Variants in CSMD3 observed in about 807,000 individuals in gnomAD.
CSMD3 encodes CUB and Sushi multiple domains 3.
In CSMD3, 177 loss-of-function variants were observed where a neutral mutation model predicts 435.2. That is an observed-to-expected ratio of 0.41 (90% CI 0.36 to 0.46). CSMD3 has a LOEUF of 0.46. Ranked by LOEUF, CSMD3 falls within the 20% of genes least tolerant of loss-of-function variation. The pLI, the probability that CSMD3 is intolerant of heterozygous loss-of-function variation, is 0.34. For synonymous variants in CSMD3, 1,656 were observed against 1,520.5 expected (o/e 1.09, Z -2.07); for missense variants, 4,265 against 4,504.6 (o/e 0.95, Z 1.52).
intron 22 of CSMD3, among the ~76,000 whole-genome samples, 175 bp from the exon 23 acceptor site, chr8:112,587,410 G>A (rs1180293885): frequency 6.6e-6 from 1 of 151,688 alleles, no homozygotes; most frequent in Admixed American, 6.6e-5. Context: ...TAACATATGG[G>A]TGGAAGAGAC....
At chr8:112,350,409 C>A (rs1826030706) in intron 40 of CSMD3, among the ~76,000 whole-genome samples, 2 of 151,216 alleles carry the variant, frequency 1.3e-5, no homozygotes, top group South Asian at 4.2e-4. Flanking sequence ...TTTGCCAATA[C>A]TTTAGTCAAC....
chr8:112,561,956 T>G (rs562244199), intron 24 of CSMD3, among the ~76,000 whole-genome samples: 10 of 151,706 alleles, frequency 6.6e-5, no homozygotes, highest in African/African-American at 2.2e-4. Flanking sequence ...GTTGGTGACA[T>G]ATTCCCAAAC....
intron 11 of CSMD3, among the ~76,000 whole-genome samples, chr8:112,840,224 C>T (rs944248928): frequency 2.4e-4 from 36 of 151,792 alleles, no homozygotes; most frequent in Admixed American, 2.0e-3. Context: ...GTTTTTATTT[C>T]TGTCTTTGTG....
intron 42 of CSMD3, among the ~76,000 whole-genome samples, chr8:112,338,526 T>C (rs989079810): frequency 6.6e-6 from 1 of 152,158 alleles, no homozygotes; most frequent in Non-Finnish European, 1.5e-5. Flanking sequence ...CAAAATTGTA[T>C]TCTAATTAGT....
intron 4 of CSMD3, among the ~76,000 whole-genome samples, chr8:113,137,221 T>C (rs1211529327): frequency 6.6e-6 from 1 of 151,648 alleles, no homozygotes; most frequent in Non-Finnish European, 1.5e-5. Context: ...AATACAACGT[T>C]GTTAACTAAG....
chr8:113,244,070 A>C (rs894295203), intron 3 of CSMD3, among the ~76,000 whole-genome samples: 7 of 152,134 alleles, frequency 4.6e-5, no homozygotes, highest in Admixed American at 2.0e-4. Context: ...CTTCTCCAAT[A>C]CACAATTTGA....
chr8:112,276,169 A>T, intron 59 of CSMD3, among the ~76,000 whole-genome samples: 1 of 152,320 alleles, frequency 6.6e-6, no homozygotes, highest in South Asian at 2.1e-4. Context: ...AGGCAGTCAA[A>T]CCTTAAAGCT....
intron 1 of CSMD3, among the ~76,000 whole-genome samples, chr8:113,419,986 A>G (rs960071067): frequency 1.3e-5 from 2 of 152,184 alleles, no homozygotes; most frequent in Non-Finnish European, 2.9e-5. Context: ...AACAACATCC[A>G]AAGAAAGTAA....
chr8:112,737,434 A>G (rs1030472521), intron 13 of CSMD3, among the ~76,000 whole-genome samples: 4 of 152,032 alleles, frequency 2.6e-5, no homozygotes, highest in South Asian at 2.1e-4. Flanking sequence ...CAGGTGTTTG[A>G]CATTTTAAAG....
chr8:113,001,536 A>C (rs983622913), intron 6 of CSMD3, among the ~76,000 whole-genome samples: 1 of 152,084 alleles, frequency 6.6e-6, no homozygotes, highest in Non-Finnish European at 1.5e-5. Flanking sequence ...TTCCCTGGCT[A>C]TCTGCCTAAT....
In CSMD3 at chr8:112,408,904, T is replaced by G; in HGVS notation, c.5509+15A>C. On this transcript the variant is annotated intron_variant, in intron 33 of 70. Coordinates refer to ENST00000297405, the MANE Select transcript of CSMD3 (RefSeq NM_198123.2). ...TAATCAGTAACTGATGCATGGCAGT[T>G]CTATTAAAGGATACCTGAATGGGAT... The G allele has an allele frequency of 6.2e-6, 10 of 1,613,374 alleles. No homozygotes were observed. Among genetic ancestry groups the G allele is most frequent in the Non-Finnish European group, 8.5e-6 (10 of 1,179,488 alleles).
At position 113,404,896 on chromosome 8, in the gene CSMD3, A is replaced by G. The variant is rs192387794; in HGVS notation, c.178+31781T>C. Among the ~76,000 whole-genome samples, 18 of 151,638 alleles carry G rather than the reference A, an allele frequency of 1.2e-4. No homozygotes were observed. The East Asian group carries it at 1.9e-3, about 16-fold the overall frequency. ...GTGACACTTGTTTCATCCCTTAAAA[A>G]ATATAAATTATGTATGTGTTATGTG... On this transcript the variant is annotated intron_variant, in intron 1 of 70. Coordinates refer to ENST00000297405, the MANE Select transcript of CSMD3 (RefSeq NM_198123.2).
chr8:113,285,197 T>C (rs1457678906), intron 2 of CSMD3, among the ~76,000 whole-genome samples: 1 of 151,834 alleles, frequency 6.6e-6, no homozygotes, highest in Non-Finnish European at 1.5e-5. Flanking sequence ...AGAATTATTA[T>C]GAAGTCATTG....
chr8:113,216,230 T>C (rs1271752259), intron 3 of CSMD3, among the ~76,000 whole-genome samples: 2 of 151,894 alleles, frequency 1.3e-5, no homozygotes, highest in African/African-American at 4.8e-5. Context: ...ATAAGTGTTG[T>C]CTAACAATGA....
intron 32 of CSMD3, among the ~76,000 whole-genome samples, chr8:112,417,507 A>G (rs1290724306): frequency 2.0e-5 from 3 of 152,200 alleles, no homozygotes; most frequent in Non-Finnish European, 2.9e-5. Context: ...CTGATAGGCA[A>G]AATTTAATTG....
chr8:113,093,325 T>C (rs1487365216), intron 5 of CSMD3, among the ~76,000 whole-genome samples: 3 of 151,664 alleles, frequency 2.0e-5, no homozygotes, highest in African/African-American at 7.3e-5. Context: ...ACAGAATGGA[T>C]GATGGAAGAA....
Position 112,539,957 on chromosome 8 carries a change from G to A in CSMD3, c.4564+10714C>T, listed in dbSNP as rs558867096. On this transcript the variant is annotated intron_variant, in intron 27 of 70. Transcript: ENST00000297405. ...CAAAGTAAACAATCAACAGAGTGAAGAGATAACCTACAGAATGGGAGAAAA... is the reference window on the plus strand; with the variant it reads ...CAAAGTAAACAATCAACAGAGTGAAAAGATAACCTACAGAATGGGAGAAAA... 5.1e-4 allele frequency among the ~76,000 whole-genome samples: 78 copies of A among 152,036 alleles called. 1 individual carries two copies. Among genetic ancestry groups the A allele is most frequent in the African/African-American group, 1.6e-3 (68 of 41,524 alleles).
chr8:112,986,339 G>A (rs746986919), intron 6 of CSMD3, among the ~76,000 whole-genome samples: 28 of 152,020 alleles, frequency 1.8e-4, no homozygotes, highest in African/African-American at 4.8e-5. Flanking sequence ...TACATACCAA[G>A]TAAAAACTAG....
intron 2 of CSMD3, among the ~76,000 whole-genome samples, chr8:113,297,815 C>T (rs2093733859): frequency 6.6e-6 from 1 of 151,904 alleles, no homozygotes; most frequent in Non-Finnish European, 1.5e-5. Context: ...GACGTTTTAC[C>T]ATGATGGAAA....
Sources: allele counts gnomAD v4.1 joint callset (sites outside exome capture counted in the v4.1 genomes callset), GRCh38; gene constraint gnomAD v4.1.1; transcripts MANE v1.5; gene names NCBI Gene and HGNC (gene_info 2026-07-23, HGNC 2026-07-21).